Variants in NPR3 observed in about 807,000 individuals in gnomAD.
NPR3 encodes the protein natriuretic peptide receptor 3.
A neutral mutation model predicts 54.5 loss-of-function variants in NPR3; 34 were observed. The ratio of observed to expected loss-of-function variants is 0.62; its 90% CI spans 0.47 to 0.83. The LOEUF (loss-of-function observed/expected upper bound fraction) is 0.83, where lower values mean the gene tolerates loss of function less well. Among genes scored for constraint, NPR3 ranks in the 40% least tolerant of loss-of-function variants. The probability of loss-of-function intolerance (pLI) is 0.00; values close to 1 mark genes in which losing one functional copy is unlikely to be tolerated. For synonymous variants in NPR3, 289 were observed against 297.1 expected (o/e 0.97, Z 0.28); for missense variants, 674 against 720.8 (o/e 0.94, Z 0.74).
At chr5:32,753,388 T>C (rs1294601246) in intron 3 of NPR3, among the ~76,000 whole-genome samples, 1 of 152,082 alleles carries the variant, frequency 6.6e-6, no homozygotes, top group African/African-American at 2.4e-5. Context: ...TTCTTCACAA[T>C]TGAAACACAA....
chr5:32,775,491 T>A lies in NPR3; in HGVS notation c.1195+648T>A, dbSNP rs1741998106. On this transcript the variant is annotated intron_variant, in intron 4 of 7. Coordinates refer to ENST00000265074, the MANE Select transcript of NPR3 (RefSeq NM_001204375.2). ...TGTATTGTTTAGTAGAGACGGGGTT[T>A]TACCATGTTGGCCAGGTTGATCTCT... Among the ~76,000 whole-genome samples the A allele has an allele frequency of 2.0e-5, 3 of 152,152 alleles. No homozygotes were observed. The South Asian group carries it at 6.2e-4, about 32-fold the overall frequency.
At position 32,789,891 on chromosome 5, in the gene NPR3, AC is replaced by A. The variant is rs1166078127; in HGVS notation, c.*3547del. ...GGGAGATCAAATAGAGTATTATGCC[AC>A]TGTGAGTGTTTATAAACTGGAAGGA... On this transcript the variant is annotated 3_prime_UTR_variant, in exon 8 of 8. Transcript: ENST00000265074. 9.8e-6 allele frequency: 4 copies of A among 407,716 alleles called. No individual in the cohort carries two copies. Among genetic ancestry groups the A allele is most frequent in the African/African-American group, 2.1e-5 (1 of 48,312 alleles). The allele number at this position is 407,716 out of a possible 1,614,324, so 25.3% of individuals were successfully genotyped here.
rs918834550 is a variant in NPR3 at position 32,789,811 on chromosome 5, G to A, written c.*3466G>A. On this transcript the variant is annotated 3_prime_UTR_variant, in exon 8 of 8. Coordinates refer to ENST00000265074, the MANE Select transcript of NPR3 (RefSeq NM_001204375.2). ...TGGATTCAGAAAGTAGGTTCCAGTG[G>A]CGTCACTACCTTCTTGTAAGCCAGT... The A allele has an allele frequency of 4.0e-6, 2 of 495,766 alleles. No individual in the cohort carries two copies. The highest frequency in any genetic ancestry group is 2.0e-5 in the African/African-American group (1 of 50,424). The allele number at this position is 495,766 out of a possible 1,614,324, so 30.7% of individuals were successfully genotyped here. A position where few individuals can be genotyped will look rare whatever the true frequency, so the allele number is the denominator to read the frequency against.
At chr5:32,770,468 T>C (rs113291308) in intron 3 of NPR3, among the ~76,000 whole-genome samples, 74 of 151,260 alleles carry the variant, frequency 4.9e-4, no homozygotes, top group African/African-American at 1.8e-3. Flanking sequence ...AGAAAGAAAA[T>C]AGAAATGAAA....
chr5:32,775,876 G>C (rs1742020009), intron 4 of NPR3, among the ~76,000 whole-genome samples: 1 of 152,054 alleles, frequency 6.6e-6, no homozygotes, highest in African/African-American at 2.4e-5. Flanking sequence ...TTAATAACAG[G>C]GAACTATAGG....
upstream of NPR3, chr5:32,710,921 T>G: frequency 1.2e-6 from 1 of 812,684 alleles, no homozygotes; most frequent in East Asian, 3.5e-5. Flanking sequence ...TGTGTGTATG[T>G]GTGCGTGCGC....
At chr5:32,749,303 GA>G (rs1180830121) in intron 3 of NPR3, among the ~76,000 whole-genome samples, 1 of 151,898 alleles carries the variant, frequency 6.6e-6, no homozygotes, top group African/African-American at 2.4e-5. Flanking sequence ...AAATCAGAAG[GA>G]AAAAAGATTT....
chr5:32,735,508 T>G (rs1739685971), intron 2 of NPR3, among the ~76,000 whole-genome samples: 1 of 150,370 alleles, frequency 6.7e-6, no homozygotes, highest in Non-Finnish European at 1.5e-5. Flanking sequence ...AAAGAAAACT[T>G]GCTCATAATT....
At chr5:32,725,239 T>G (rs1279548276) in intron 2 of NPR3, among the ~76,000 whole-genome samples, 1 of 152,176 alleles carries the variant, frequency 6.6e-6, no homozygotes, top group East Asian at 1.9e-4. Flanking sequence ...AATCTGCACA[T>G]GTACCCGTTG....
intron 1 of NPR3, among the ~76,000 whole-genome samples, chr5:32,702,303 C>T (rs1312244401): frequency 6.6e-6 from 1 of 151,990 alleles, no homozygotes; most frequent in Non-Finnish European, 1.5e-5. Context: ...TACATGTGCA[C>T]AATGTGCAGG....
upstream of NPR3, among the ~76,000 whole-genome samples, chr5:32,705,453 T>C (rs1737962070): frequency 6.6e-6 from 1 of 152,212 alleles, no homozygotes. Flanking sequence ...AGCAGGATGA[T>C]GGCAGTCTGC....
intron 3 of NPR3, among the ~76,000 whole-genome samples, chr5:32,742,725 CTCTT>C (rs961483147): frequency 7.2e-5 from 11 of 152,208 alleles, no homozygotes; most frequent in African/African-American, 2.6e-4. Context: ...TCGGGGGACA[CTCTT>C]TATTAGACTG....
chr5:32,713,013 A>G (rs1381508450), intron 1 of NPR3: 1 of 255,424 alleles, frequency 3.9e-6, no homozygotes, highest in Non-Finnish European at 6.1e-6. Context: ...AGGCGTCGCC[A>G]CTTAGCTCGC....
chr5:32,709,829 G>A (rs191963715), upstream of NPR3: 4 of 117,256 alleles, frequency 3.4e-5, no homozygotes, highest in Non-Finnish European at 7.3e-5. Flanking sequence ...ACCAGAGCGC[G>A]TTAAAGGCCT....
At chr5:32,739,561 T>A (rs1053637478) in intron 3 of NPR3, among the ~76,000 whole-genome samples, 10 of 152,160 alleles carry the variant, frequency 6.6e-5, no homozygotes, top group African/African-American at 2.2e-4. Flanking sequence ...ACTCACATAT[T>A]GTAGGGCTTC....
chr5:32,697,536 G>A (rs568110311), intron 1 of NPR3, among the ~76,000 whole-genome samples: 2 of 151,410 alleles, frequency 1.3e-5, no homozygotes, highest in African/African-American at 2.4e-5. Flanking sequence ...TTTCCTTCTC[G>A]ATTTTTCAGA....
chr5:32,708,112 C>G (rs1168702127), upstream of NPR3, among the ~76,000 whole-genome samples: 1 of 151,430 alleles, frequency 6.6e-6, no homozygotes, highest in African/African-American at 2.4e-5. Context: ...CTGTTTAGAG[C>G]TAACATTGTC....
At chr5:32,731,629 T>C (rs572316542) in intron 2 of NPR3, among the ~76,000 whole-genome samples, 1 of 152,376 alleles carries the variant, frequency 6.6e-6, no homozygotes, top group African/African-American at 2.4e-5. Flanking sequence ...TTATACCTAA[T>C]ACTTAAAAAA....
chr5:32,752,351 A>T (rs866264768), intron 3 of NPR3, among the ~76,000 whole-genome samples: 1 of 152,320 alleles, frequency 6.6e-6, no homozygotes, highest in South Asian at 2.1e-4. Flanking sequence ...TCTTGGCCAG[A>T]CACTTCCTGC....
Sources: allele counts gnomAD v4.1 joint callset (sites outside exome capture counted in the v4.1 genomes callset), GRCh38; gene constraint gnomAD v4.1.1; transcripts MANE v1.5; gene names NCBI Gene and HGNC (gene_info 2026-07-23, HGNC 2026-07-21).